POMK: variants seen among roughly 807,000 people sequenced by gnomAD.
POMK encodes protein O-mannose kinase.
A neutral mutation model predicts 23.0 loss-of-function variants in POMK; 19 were observed. The observed-to-expected ratio is 0.83, with a 90% CI of 0.58 to 1.21. The LOEUF (loss-of-function observed/expected upper bound fraction) is 1.21, where lower values mean the gene tolerates loss of function less well. Ranked by LOEUF, POMK falls within the 50% of genes most tolerant of loss-of-function variation. The pLI is 0.00. For missense variants in POMK, 410 were observed against 431.3 expected (o/e 0.95, Z 0.44); for synonymous variants, 173 against 171.6 (o/e 1.01, Z -0.06).
intron 3 of POMK, 28 bp from the exon 4 acceptor site, chr8:43,103,500 T>C (rs375085255): frequency 4.4e-6 from 7 of 1,603,980 alleles, no homozygotes; most frequent in African/African-American, 1.3e-5. Context: ...CTGACTGTCA[T>C]GACTTCTTGT....
chr8:43,117,273 G>A (rs555733377), intron 4 of POMK, among the ~76,000 whole-genome samples: 104 of 152,330 alleles, frequency 6.8e-4, no homozygotes, highest in African/African-American at 2.4e-3. Context: ...CAGGGGATGC[G>A]ATGGCTTGGC....
chr8:43,111,349 T>C (rs1046400884), intron 4 of POMK, among the ~76,000 whole-genome samples: 4 of 152,134 alleles, frequency 2.6e-5, no homozygotes, highest in Admixed American at 6.5e-5. Flanking sequence ...GAGATCAAAC[T>C]GCAAGGCCGC....
chr8:43,106,490 T>A (rs1479989064), intron 4 of POMK, among the ~76,000 whole-genome samples: 1 of 150,888 alleles, frequency 6.6e-6, no homozygotes, highest in African/African-American at 2.4e-5. Context: ...TTTGTTATAA[T>A]CCCATTGGTT....
At chr8:43,109,980 T>G (rs1811617168) in intron 4 of POMK, among the ~76,000 whole-genome samples, 1 of 152,246 alleles carries the variant, frequency 6.6e-6, no homozygotes, top group Admixed American at 6.5e-5. Context: ...TAACGTGACT[T>G]AAACTTTAGC....
At chr8:43,103,069 C>T (rs531391664) in intron 3 of POMK, among the ~76,000 whole-genome samples, 11 of 152,312 alleles carry the variant, frequency 7.2e-5, no homozygotes, top group African/African-American at 2.6e-4. Context: ...CTGAGTACCT[C>T]CCAGGGAACA....
intron 4 of POMK, among the ~76,000 whole-genome samples, chr8:43,112,899 G>T (rs1230474481): frequency 6.6e-6 from 1 of 152,154 alleles, no homozygotes; most frequent in Non-Finnish European, 1.5e-5. Flanking sequence ...TGCCCTAAAA[G>T]AGCTCCTGAA....
At position 43,103,663 on chromosome 8, in the gene POMK, G is replaced by T; in HGVS notation, c.115G>T (p.Asp39Tyr). ...LMNTLLYLCL[D>Y]HFFIAPRQST... Reference sequence around the variant, plus strand: ...GAATACTCTGCTCTACCTCTGCCTCGACCACTTCTTCATCGCTCCTCGACA... The same window carrying T: ...GAATACTCTGCTCTACCTCTGCCTCTACCACTTCTTCATCGCTCCTCGACA... The change falls in exon 4 of 5, where the codon GAC becomes TAC. Residue 39 changes from aspartate to tyrosine, a missense_variant. Coordinates refer to ENST00000331373, the MANE Select transcript of POMK (RefSeq NM_032237.5). The T allele has an allele frequency of 6.2e-7, 1 of 1,613,726 alleles. No individual in the cohort carries two copies. The highest frequency in any genetic ancestry group is 8.5e-7 in the Non-Finnish European group (1 of 1,180,002).
rs753604559 is a variant in POMK at position 43,122,344 on chromosome 8, A to G, written c.520A>G (p.Thr174Ala). 2 of 1,614,238 alleles carry G rather than the reference A, an allele frequency of 1.2e-6. No homozygotes were observed. Among genetic ancestry groups the G allele is most frequent in the South Asian group, 1.1e-5 (1 of 91,090 alleles). ...LNLSKYQNVN[T>A]WQHRLELAMD... The stretch of plus-strand genomic sequence containing the variant: ...CCTTTCAAAGTACCAAAATGTGAAC[A>G]CGTGGCAGCACAGGCTGGAGCTGGC... Residue 174 changes from threonine to alanine, a missense_variant, in exon 5 of 5, where the codon ACG becomes GCG. Thr to Ala is a moderately conservative substitution (Grantham distance 58). Transcript: ENST00000331373.
rs756551345 is a variant in POMK at position 43,122,529 on chromosome 8, C to G, written c.705C>G (p.Asn235Lys). 1 of 1,614,160 alleles carries G rather than the reference C, an allele frequency of 6.2e-7. No individual in the cohort carries two copies. Among genetic ancestry groups the G allele is most frequent in the South Asian group, 1.1e-5 (1 of 91,070 alleles). ...ANDLDALPLV[N>K]HSSGMLVKCG... ...ACTTGGACGCCTTACCCCTGGTGAACCACAGCTCCGGGATGCTGGTGAAGT... is the reference window on the plus strand; with the variant it reads ...ACTTGGACGCCTTACCCCTGGTGAAGCACAGCTCCGGGATGCTGGTGAAGT... The change falls in exon 5 of 5, where the codon AAC (asparagine) becomes AAG (lysine). Residue 235 changes from asparagine to lysine, a missense_variant. Coordinates refer to ENST00000331373, the MANE Select transcript of POMK (RefSeq NM_032237.5).
chr8:43,119,881 G>A (rs977687641), intron 4 of POMK, among the ~76,000 whole-genome samples: 3 of 151,364 alleles, frequency 2.0e-5, no homozygotes, highest in Non-Finnish European at 4.4e-5. Context: ...CTTAGATCCA[G>A]AAAAGATCTT....
At position 43,093,575 on chromosome 8, in the gene POMK, G is replaced by C. The variant is rs1811267074; in HGVS notation, c.-210+12G>C. 1 of 152,842 alleles carries C rather than the reference G, an allele frequency of 6.5e-6. No individual in the cohort carries two copies. The highest frequency in any genetic ancestry group is 2.4e-5 in the African/African-American group (1 of 41,466). 9.5% of individuals were successfully genotyped at this position (152,842 alleles called of 1,614,324 possible). ...GGCTTGGGCTGCAGGTAGGTGCTGCGGCGAGGGGTGAGAGGGCGAAGGGGC... is the reference window on the plus strand; with the variant it reads ...GGCTTGGGCTGCAGGTAGGTGCTGCCGCGAGGGGTGAGAGGGCGAAGGGGC... On this transcript the variant is annotated intron_variant, in intron 1 of 4. Coordinates refer to ENST00000331373, the MANE Select transcript of POMK (RefSeq NM_032237.5).
chr8:43,098,437 G>A (rs1811376286), intron 2 of POMK, among the ~76,000 whole-genome samples: 1 of 152,198 alleles, frequency 6.6e-6, no homozygotes, highest in Admixed American at 6.5e-5. Context: ...CCATGTTGCA[G>A]CATGAATTAG....
In POMK at chr8:43,103,536, A is replaced by G. The variant is rs767083405; in HGVS notation, c.-13A>G. On this transcript the variant is annotated 5_prime_UTR_variant, in exon 4 of 5. Coordinates refer to ENST00000331373, the MANE Select transcript of POMK (RefSeq NM_032237.5). ...TTCATTGTGTATTTTAGGAAATTGC[A>G]GAGGCCGTCAACATGGAAAAGCAGC... 4 of 1,613,086 alleles carry G rather than the reference A, an allele frequency of 2.5e-6. No homozygotes were observed. The highest frequency in any genetic ancestry group is 1.7e-5 in the Admixed American group (1 of 59,850).
At chr8:43,115,742 G>A (rs982214076) in intron 4 of POMK, among the ~76,000 whole-genome samples, 5 of 152,196 alleles carry the variant, frequency 3.3e-5, no homozygotes, top group African/African-American at 7.2e-5. Flanking sequence ...TGGTCAAATA[G>A]TGTCATTCCT....
chr8:43,108,316 G>A (rs2130607519), intron 4 of POMK, among the ~76,000 whole-genome samples: 1 of 152,342 alleles, frequency 6.6e-6, no homozygotes, highest in East Asian at 1.9e-4. Flanking sequence ...TGCCATTCTA[G>A]TCAAACCCTT....
rs139938959 is a variant in POMK, at chr8:43,117,144, G to T, written c.283-4963G>T. ...GGAATATCATCAGTTAAGGCAAGGA[G>T]CGGCCATTTACACTTCTTTTGTGGT... is the stretch of plus-strand genomic sequence containing the variant. On this transcript the variant is annotated intron_variant, in intron 4 of 4. Coordinates refer to ENST00000331373, the MANE Select transcript of POMK (RefSeq NM_032237.5). 3.3e-5 allele frequency among the ~76,000 whole-genome samples: 5 copies of T among 152,210 alleles called. No homozygotes were observed. In the East Asian group the frequency reaches 9.7e-4, roughly 29 times the overall value.
chr8:43,107,455 A>C (rs913789674), intron 4 of POMK, among the ~76,000 whole-genome samples: 2 of 151,914 alleles, frequency 1.3e-5, no homozygotes, highest in Non-Finnish European at 2.9e-5. Context: ...GCTCACTGCA[A>C]CCTCCGCCTC....
At chr8:43,113,217 G>A (rs1811716995) in intron 4 of POMK, among the ~76,000 whole-genome samples, 1 of 152,128 alleles carries the variant, frequency 6.6e-6, no homozygotes, top group Non-Finnish European at 1.5e-5. Flanking sequence ...TTCCAACTTG[G>A]TTCCATTCTC....
chr8:43,099,878 G>A (rs1009043736), intron 2 of POMK, among the ~76,000 whole-genome samples: 2 of 152,210 alleles, frequency 1.3e-5, no homozygotes, highest in Admixed American at 6.5e-5. Context: ...TAGATGATCA[G>A]CTGAGAGTGA....
Sources: gnomAD v4.1 joint callset for allele counts (sites outside exome capture counted in the v4.1 genomes callset) on GRCh38, gnomAD v4.1.1 for gene constraint, MANE v1.5 for transcripts, NCBI Gene and HGNC (gene_info 2026-07-23, HGNC 2026-07-21) for gene names.